PARD6G: variants seen among roughly 807,000 people sequenced by gnomAD.
PARD6G encodes the protein par-6 family cell polarity regulator gamma, also known as partitioning defective 6 homolog gamma.
PARD6G carries 7 observed loss-of-function variants against 10.7 expected under a neutral mutation model. The observed-to-expected ratio is 0.66, with a 90% confidence interval of 0.37 to 1.23. The LOEUF is 1.23. Ranked by LOEUF, PARD6G falls within the 50% of genes most tolerant of loss-of-function variation. The pLI is 0.02. For synonymous variants in PARD6G, 287 were observed against 269.4 expected (o/e 1.07, Z -0.64); for missense variants, 548 against 571.8 (o/e 0.96, Z 0.42).
At chr18:80,237,507 T>G (rs1967437093) in intron 1 of PARD6G, among the ~76,000 whole-genome samples, 1 of 152,192 alleles carries the variant, frequency 6.6e-6, no homozygotes, top group Admixed American at 6.5e-5. Context: ...AAATGGGATC[T>G]AATTAAACTA....
At chr18:80,233,443 T>C (rs2145303257) in intron 1 of PARD6G, among the ~76,000 whole-genome samples, 1 of 152,218 alleles carries the variant, frequency 6.6e-6, no homozygotes, top group South Asian at 2.1e-4. Flanking sequence ...TGGGGGTCAG[T>C]GCCACTTCCT....
intron 2 of PARD6G, among the ~76,000 whole-genome samples, chr18:80,174,921 C>G (rs2052799839): frequency 6.6e-6 from 1 of 152,010 alleles, no homozygotes; most frequent in Non-Finnish European, 1.5e-5. Context: ...TGCACTCCAG[C>G]CTGGGCGACA....
Position 80,229,612 on chromosome 18 carries a change from C to T in PARD6G, c.72+17665G>A, listed in dbSNP as rs114117158. On this transcript the variant is annotated intron_variant, in intron 1 of 2. Transcript: ENST00000353265. ...TCTCATGGGAGTCAGGGCTCATGTG[C>T]ACATTAAAGGTTGCACAACTGACCT... Among the ~76,000 whole-genome samples, 237 of 152,354 alleles carry T rather than the reference C, an allele frequency of 1.6e-3. 1 individual carries two copies. The highest frequency in any genetic ancestry group is 5.6e-3 in the African/African-American group (233 of 41,590).
intron 2 of PARD6G, among the ~76,000 whole-genome samples, chr18:80,177,240 A>ACG (rs1482886729): frequency 6.8e-6 from 1 of 148,066 alleles, no homozygotes; most frequent in Non-Finnish European, 1.5e-5. Flanking sequence ...ACACACACAC[A>ACG]CACACAGTAC....
At position 80,231,284 on chromosome 18, in the gene PARD6G, G is replaced by A. The variant is rs144567028; in HGVS notation, c.72+15993C>T. On this transcript the variant is annotated intron_variant, in intron 1 of 2. Coordinates refer to ENST00000353265, the MANE Select transcript of PARD6G (RefSeq NM_032510.4). This position sits in a 1 kb window ranked among gnomAD's most constrained non-coding sequence, Gnocchi z 4.2. ...TGTGTGAGGCGTGAGCACAGGCTGC[G>A]CATCTGTCCCTGCCTTCATAAGACT... is the stretch of plus-strand genomic sequence containing the variant. Among the ~76,000 whole-genome samples the A allele has an allele frequency of 1.4e-3, 208 of 152,368 alleles. 3 individuals carry two copies. The highest frequency in any genetic ancestry group is 4.6e-3 in the African/African-American group (190 of 41,586).
rs1967356668 is a variant in PARD6G at position 80,231,461 on chromosome 18, T to G, written c.72+15816A>C. On this transcript the variant is annotated intron_variant, in intron 1 of 2. Transcript: ENST00000353265. The surrounding 1 kb of genome is among the most constrained non-coding windows in gnomAD (Gnocchi z 4.2). ...TGCCCACTGGGAGCGGCTGAGGGGA[T>G]GCAGGCTGGGTCACTGGAGTTGTAC... 6.6e-6 allele frequency among the ~76,000 whole-genome samples: 1 copy of G among 152,152 alleles called. No homozygotes were observed. Among genetic ancestry groups the G allele is most frequent in the Non-Finnish European group, 1.5e-5 (1 of 68,016 alleles).
chr18:80,241,069 G>C (rs569030880), intron 1 of PARD6G, among the ~76,000 whole-genome samples: 90 of 152,292 alleles, frequency 5.9e-4, no homozygotes, highest in Middle Eastern at 3.4e-3. Flanking sequence ...AGTGATGCAA[G>C]AAAAATAGAA....
In PARD6G at chr18:80,244,424, C is replaced by T. The variant is rs116822167; in HGVS notation, c.72+2853G>A. 8.7e-3 allele frequency among the ~76,000 whole-genome samples: 1,321 copies of T among 152,244 alleles called. 23 individuals carry two copies. The highest frequency in any genetic ancestry group is 0.03 in the African/African-American group (1,261 of 41,536). Reference sequence around the variant, plus strand: ...TCAAGATCAAGACCATATGGCCCCTCGCGCACACACACCAGGGTCCTGTCC... The same window carrying T: ...TCAAGATCAAGACCATATGGCCCCTTGCGCACACACACCAGGGTCCTGTCC... On this transcript the variant is annotated intron_variant, in intron 1 of 2. Coordinates refer to ENST00000353265, the MANE Select transcript of PARD6G (RefSeq NM_032510.4).
Position 80,182,969 on chromosome 18 carries a change from G to A in PARD6G, c.295+19741C>T, listed in dbSNP as rs2052855495. On this transcript the variant is annotated intron_variant, in intron 2 of 2. Transcript: ENST00000353265. The surrounding 1 kb of genome is among the most constrained non-coding windows in gnomAD (Gnocchi z 4.5). ...ACCACGCAGCCAGACGCCCCTCCCA[G>A]TCCTCCTTCGTCCTGACGTGGCTCC... 3 of 629,724 alleles carry A rather than the reference G, an allele frequency of 4.8e-6. No individual in the cohort carries two copies. Among genetic ancestry groups the A allele is most frequent in the Non-Finnish European group, 8.6e-6 (3 of 349,612 alleles). 39.0% of individuals were successfully genotyped at this position (629,724 alleles called of 1,614,324 possible).
At chr18:80,222,576 T>G (rs575657209) in intron 1 of PARD6G, among the ~76,000 whole-genome samples, 1 of 152,120 alleles carries the variant, frequency 6.6e-6, no homozygotes, top group Non-Finnish European at 1.5e-5. Context: ...ACTTCCCAAT[T>G]TCAAAACTTA....
rs1599862043 is a variant in PARD6G at position 80,201,057 on chromosome 18, T to C, written c.295+1653A>G. ...TGTGAGCAAATGCTGTGACCTGGGA[T>C]GGCAGGGGCACAGCCAGGAACACAC... On this transcript the variant is annotated intron_variant, in intron 2 of 2. Transcript: ENST00000353265. This position sits in a 1 kb window ranked among gnomAD's most constrained non-coding sequence, Gnocchi z 5.9. 6.6e-6 allele frequency among the ~76,000 whole-genome samples: 1 copy of C among 152,140 alleles called. No homozygotes were observed. Among genetic ancestry groups the C allele is most frequent in the Non-Finnish European group, 1.5e-5 (1 of 68,018 alleles).
Position 80,165,291 on chromosome 18 carries a change from G to A in PARD6G, c.296-4685C>T, listed in dbSNP as rs533624450. 3.3e-5 allele frequency among the ~76,000 whole-genome samples: 5 copies of A among 152,296 alleles called. No individual in the cohort carries two copies. The East Asian group carries it at 9.6e-4, about 29-fold the overall frequency. On this transcript the variant is annotated intron_variant, in intron 2 of 2. Transcript: ENST00000353265. ...ATATTAATATTCCTTGCTAAGAAAA[G>A]AATTTAGTGATCTCTCTCCTACTTC...
At chr18:80,168,841 T>C (rs1454122393) in intron 2 of PARD6G, 1 of 169,278 alleles carries the variant, frequency 5.9e-6, no homozygotes, top group Non-Finnish European at 1.5e-5. Context: ...GAGGGGAAAT[T>C]GAAGTCTGGT....
rs1040027262 is a variant in PARD6G at position 80,192,370 on chromosome 18, G to C, written c.295+10340C>G. Among the ~76,000 whole-genome samples the C allele has an allele frequency of 6.6e-6, 1 of 152,228 alleles. No homozygotes were observed. The highest frequency in any genetic ancestry group is 2.4e-5 in the African/African-American group (1 of 41,458). ...GAGCAGATCTGTTTTGGAGCCCTTAGGTGAGGCCTCAACTGAATGCCAACC... is the reference window on the plus strand; with the variant it reads ...GAGCAGATCTGTTTTGGAGCCCTTACGTGAGGCCTCAACTGAATGCCAACC... On this transcript the variant is annotated intron_variant, in intron 2 of 2. Transcript: ENST00000353265. The surrounding 1 kb of genome is among the most constrained non-coding windows in gnomAD (Gnocchi z 4.9).
chr18:80,159,792 G>A lies in PARD6G; in HGVS notation c.1110C>T (p.His370=). Reference sequence around the variant, plus strand: ...GAGTCTAGAGCGTGACCGCGGGCCCGTGCTCCTCCACGCCGCCTGGCGGCA... The same window carrying A: ...GAGTCTAGAGCGTGACCGCGGGCCCATGCTCCTCCACGCCGCCTGGCGGCA... ...LALPPGGVEE[H]GPAVTL is the part of the protein sequence containing the mutation. Residue 370 remains histidine, a synonymous_variant, in exon 3 of 3, where the codon CAC becomes CAT. Transcript: ENST00000353265. The A allele has an allele frequency of 1.4e-6, 2 of 1,445,744 alleles. No homozygotes were observed. Among genetic ancestry groups the A allele is most frequent in the Non-Finnish European group, 1.8e-6 (2 of 1,105,764 alleles). 89.6% of individuals were successfully genotyped at this position (1,445,744 alleles called of 1,614,324 possible). A position where few individuals can be genotyped will look rare whatever the true frequency, so the allele number is the denominator to read the frequency against.
intron 1 of PARD6G, among the ~76,000 whole-genome samples, chr18:80,236,751 G>A (rs1390972872): frequency 2.0e-5 from 3 of 152,248 alleles, no homozygotes; most frequent in African/African-American, 7.2e-5. Flanking sequence ...ATTCACAATT[G>A]CTTCAAAGAC....
At chr18:80,202,552 G>A (rs1050382972) in intron 2 of PARD6G, 158 bp downstream of exon 2, 2 of 599,130 alleles carry the variant, frequency 3.3e-6, no homozygotes, top group Non-Finnish European at 5.9e-6. Context: ...TTAGTATTTT[G>A]TCTATTAATG....
intron 2 of PARD6G, among the ~76,000 whole-genome samples, chr18:80,164,213 T>G (rs992973311): frequency 2.0e-5 from 3 of 152,158 alleles, no homozygotes; most frequent in African/African-American, 7.2e-5. Context: ...CCAGAGAGAC[T>G]AAGCAGGGAG....
At chr18:80,211,799 T>C (rs989319769) in intron 1 of PARD6G, among the ~76,000 whole-genome samples, 14 of 152,146 alleles carry the variant, frequency 9.2e-5, no homozygotes, top group Non-Finnish European at 1.5e-4. Flanking sequence ...AATAAGCTGG[T>C]CAGAGAAGGA....
Sources: gnomAD v4.1 joint callset for allele counts (sites outside exome capture counted in the v4.1 genomes callset) on GRCh38, gnomAD v4.1.1 for gene constraint, Gnocchi (gnomAD v3.1) non-coding constraint, MANE v1.5 for transcripts, NCBI Gene and HGNC (gene_info 2026-07-23, HGNC 2026-07-21) for gene names.